Variants in CSDE1 observed in about 807,000 individuals in gnomAD.
The protein encoded by CSDE1 is cold shock domain containing E1.
A neutral mutation model predicts 89.3 loss-of-function variants in CSDE1; 17 were observed. That is an observed-to-expected ratio of 0.19 (90% CI 0.13 to 0.29). The LOEUF is 0.29. CSDE1 is among the 10% of genes least tolerant of loss of function. CSDE1 has a pLI of 1.00. For missense variants in CSDE1, 672 were observed against 984.2 expected, an observed-to-expected ratio of 0.68 and a Z score of 4.24; for synonymous variants, 322 against 332.8, an observed-to-expected ratio of 0.97 and a Z score of 0.35.
intron 1 of CSDE1, among the ~76,000 whole-genome samples, chr1:114,757,097 G>A (rs778504020): frequency 6.6e-6 from 1 of 152,182 alleles, no homozygotes; most frequent in African/African-American, 2.4e-5. Flanking sequence ...CTTTCAGGGC[G>A]CACGCCCATT....
In CSDE1 at chr1:114,720,699, A is replaced by T; in HGVS notation, c.1892T>A (p.Val631Asp). The T allele has an allele frequency of 6.2e-7, 1 of 1,614,188 alleles. No homozygotes were observed. ...IVEEGDMKGE[V>D]YPFGIVGMAN... ...CATCCCAACGATGCCAAATGGATAG[A>T]CCTCACCTTTCATATCGCCTGTAAA... Residue 631 changes from valine (V) to aspartate (D), a missense_variant, in exon 17 of 20, where the codon GTC becomes GAC. By Grantham distance (152) the Val-to-Asp change is radical. Coordinates refer to ENST00000358528, the MANE Select transcript of CSDE1 (RefSeq NM_001007553.3).
intron 15 of CSDE1, among the ~76,000 whole-genome samples, chr1:114,724,826 G>A (rs569699502): frequency 1.3e-5 from 2 of 152,026 alleles, no homozygotes; most frequent in East Asian, 3.9e-4. Flanking sequence ...CAGCACAAGC[G>A]GCCCTCCCAC....
rs1659262338 is a variant in CSDE1, at chr1:114,717,687, A to G, written c.*482T>C. ...TAATTTTTAAAAGATAATATATTCTACCCTCATATGGTCCTCAGAATTAAA... is the reference window on the plus strand; with the variant it reads ...TAATTTTTAAAAGATAATATATTCTGCCCTCATATGGTCCTCAGAATTAAA... On this transcript the variant is annotated 3_prime_UTR_variant, in exon 20 of 20. Transcript: ENST00000358528. 6.5e-6 allele frequency: 1 copy of G among 153,816 alleles called. No individual in the cohort carries two copies. Among genetic ancestry groups the G allele is most frequent in the Non-Finnish European group, 1.5e-5 (1 of 68,938 alleles). 9.5% of individuals were successfully genotyped at this position (153,816 alleles called of 1,614,324 possible).
chr1:114,729,158 G>A (rs1224532111), intron 12 of CSDE1, among the ~76,000 whole-genome samples: 2 of 152,064 alleles, frequency 1.3e-5, no homozygotes, highest in Non-Finnish European at 2.9e-5. Context: ...GAGTGCAATG[G>A]CGCCATCTCA....
At chr1:114,747,131 A>C (rs941223470) in intron 2 of CSDE1, among the ~76,000 whole-genome samples, 2 of 152,152 alleles carry the variant, frequency 1.3e-5, no homozygotes, top group African/African-American at 4.8e-5. Context: ...TTCACCAAAC[A>C]ATTCAGGTCT....
chr1:114,734,572 A>G (rs753962263), intron 6 of CSDE1, 49 bp from the exon 7 acceptor site: 4 of 1,468,250 alleles, frequency 2.7e-6, no homozygotes, highest in Non-Finnish European at 3.8e-6. Flanking sequence ...GGGATTAAAA[A>G]TGTATTGGCC....
At chr1:114,721,257 G>A (rs1056483316) in intron 16 of CSDE1, among the ~76,000 whole-genome samples, 8 of 152,070 alleles carry the variant, frequency 5.3e-5, no homozygotes, top group Non-Finnish European at 1.0e-4. Flanking sequence ...CTAAAGGGCC[G>A]GAGAGTATTA....
Position 114,736,712 on chromosome 1 carries a change from A to G in CSDE1, c.500+46T>C, listed in dbSNP as rs201724793. ...ATTCAAATTTCTTAATGGAGGGGGGAAAAAAAAACCGCTTAGGTGAGAAAA... is the reference window on the plus strand; with the variant it reads ...ATTCAAATTTCTTAATGGAGGGGGGGAAAAAAAACCGCTTAGGTGAGAAAA... On this transcript the variant is annotated intron_variant, in intron 6 of 19. Transcript: ENST00000358528. 3.2e-4 allele frequency: 388 copies of G among 1,230,510 alleles called. 2 individuals carry two copies. In the African/African-American group the frequency reaches 4.8e-3, roughly 15 times the overall value. 76.2% of individuals were successfully genotyped at this position (1,230,510 alleles called of 1,614,324 possible). A position where few individuals can be genotyped will look rare whatever the true frequency, so the allele number is the denominator to read the frequency against.
intron 17 of CSDE1, chr1:114,720,133 A>G: frequency 4.7e-6 from 1 of 211,582 alleles, no homozygotes; most frequent in South Asian, 1.1e-4. Context: ...GAGGACTCAG[A>G]TTTCCCTGAG....
chr1:114,738,557 C>CT (rs984373767), intron 3 of CSDE1, among the ~76,000 whole-genome samples: 1 of 148,386 alleles, frequency 6.7e-6, no homozygotes, highest in Non-Finnish European at 1.5e-5. Flanking sequence ...TAGCATGCAT[C>CT]TTGTTAGCTA....
chr1:114,736,000 T>C (rs1015888774), intron 6 of CSDE1, among the ~76,000 whole-genome samples: 6 of 152,198 alleles, frequency 3.9e-5, no homozygotes, highest in African/African-American at 1.4e-4. Context: ...ATAAGTATGA[T>C]TCTTTTCCCA....
intron 13 of CSDE1, 134 bp from the exon 14 acceptor site, chr1:114,726,520 T>G: frequency 1.5e-6 from 1 of 676,556 alleles, no homozygotes; most frequent in Non-Finnish European, 2.3e-6. Flanking sequence ...TTCAATGAAA[T>G]TGATTTTCAC....
At chr1:114,753,826 G>A (rs1182693332) in intron 1 of CSDE1, among the ~76,000 whole-genome samples, 2 of 152,144 alleles carry the variant, frequency 1.3e-5, no homozygotes, top group Admixed American at 6.5e-5. Context: ...TGAGGCAGGA[G>A]GATCACTTGA....
intron 10 of CSDE1, among the ~76,000 whole-genome samples, chr1:114,731,686 G>GA (rs1660109145): frequency 6.6e-6 from 1 of 152,176 alleles, no homozygotes; most frequent in Admixed American, 6.5e-5. Flanking sequence ...AACAATTTGT[G>GA]AAGTTCTGCC....
chr1:114,733,578 T>C (rs773369255), intron 9 of CSDE1, among the ~76,000 whole-genome samples, 154 bp downstream of exon 9: 7 of 150,844 alleles, frequency 4.6e-5, no homozygotes, highest in Non-Finnish European at 8.9e-5. Context: ...ATAAATCTGG[T>C]TTCTCTTTTA....
At position 114,733,784 on chromosome 1, in the gene CSDE1, T is replaced by C. The variant is rs1342558189; in HGVS notation, c.785A>G (p.His262Arg). The change falls in exon 9 of 20, where the codon CAT becomes CGT. Residue 262 changes from histidine (H) to arginine (R), a missense_variant. By Grantham distance (29) the His-to-Arg change is conservative. This residue lies in a region of CSDE1 where 169 missense variants were observed against 262.9 expected (regional missense o/e 0.64). Coordinates refer to ENST00000358528, the MANE Select transcript of CSDE1 (RefSeq NM_001007553.3). ...AACTTTGGTTACAGTTCCTTCAAAA[T>C]GTTCAATGCTGATATCTTCAAAAAT... Reference protein sequence around the residue: ...TVIFEDISIEHFEGTVTKVIP... With the variant: ...TVIFEDISIERFEGTVTKVIP... 1 of 1,613,980 alleles carries C rather than the reference T, an allele frequency of 6.2e-7. No homozygotes were observed. The highest frequency in any genetic ancestry group is 1.7e-5 in the Admixed American group (1 of 60,000).
At chr1:114,737,336 T>C in intron 5 of CSDE1, 135 bp downstream of exon 5, 1 of 707,938 alleles carries the variant, frequency 1.4e-6, no homozygotes, top group Non-Finnish European at 2.4e-6. Flanking sequence ...TATGCTGCAT[T>C]TGAAGCCTCT....
intron 2 of CSDE1, chr1:114,741,410 G>T: frequency 2.1e-6 from 2 of 970,002 alleles, no homozygotes; most frequent in South Asian, 2.6e-5. Context: ...TGAAAAAAAT[G>T]ATTCGGGAAG....
chr1:114,729,523 A>G (rs1659990914), intron 12 of CSDE1, among the ~76,000 whole-genome samples: 2 of 151,912 alleles, frequency 1.3e-5, no homozygotes, highest in Admixed American at 1.3e-4. Flanking sequence ...CCAAAAAAAA[A>G]AAAAAAAAAA....
Sources: allele counts gnomAD v4.1 joint callset (sites outside exome capture counted in the v4.1 genomes callset), GRCh38; gene constraint gnomAD v4.1.1; regional missense constraint gnomAD v4.1.1; transcripts MANE v1.5; gene names NCBI Gene and HGNC (gene_info 2026-07-23, HGNC 2026-07-21).